Variants in RARB observed in about 807,000 individuals in gnomAD.
RARB encodes the protein retinoic acid receptor beta, also known as HBV-activated protein.
Under a neutral mutation model 51.9 loss-of-function variants are expected in RARB, and 17 were observed. The observed-to-expected ratio is 0.33, with a 90% CI of 0.22 to 0.49. RARB has a LOEUF of 0.49. Ranked by LOEUF, RARB falls within the 20% of genes least tolerant of loss-of-function variation. The probability of loss-of-function intolerance (pLI) is 0.99; values close to 1 mark genes in which losing one functional copy is unlikely to be tolerated. For synonymous variants in RARB, 215 were observed against 195.4 expected, an observed-to-expected ratio of 1.10 and a Z score of -0.84; for missense variants, 369 against 550.8, an observed-to-expected ratio of 0.67 and a Z score of 3.30.
intron 2 of RARB, among the ~76,000 whole-genome samples, chr3:25,026,718 G>A (rs368792868): frequency 3.7e-4 from 56 of 152,236 alleles, no homozygotes; most frequent in African/African-American, 1.1e-3. Flanking sequence ...AAATTTTTAC[G>A]TGTATCTCTA....
intron 4 of RARB, among the ~76,000 whole-genome samples, chr3:25,574,090 T>C (rs527287005): frequency 1.3e-5 from 2 of 152,284 alleles, no homozygotes; most frequent in East Asian, 3.9e-4. Flanking sequence ...AGAGAAGCTA[T>C]TTATAGATGA....
chr3:25,163,253 C>T (rs533950286), intron 4 of RARB, among the ~76,000 whole-genome samples: 8 of 152,178 alleles, frequency 5.3e-5, no homozygotes, highest in East Asian at 1.9e-4. Flanking sequence ...CCTATGATCC[C>T]GGCACTTCAG....
intron 5 of RARB, among the ~76,000 whole-genome samples, chr3:25,242,903 T>A (rs1702467361): frequency 6.6e-6 from 1 of 152,226 alleles, no homozygotes; most frequent in South Asian, 2.1e-4. Context: ...TTGGGCAGTA[T>A]GGCCATTTTC....
intron 4 of RARB, among the ~76,000 whole-genome samples, chr3:25,160,973 C>G (rs1365904786): frequency 6.6e-6 from 1 of 152,096 alleles, no homozygotes; most frequent in Non-Finnish European, 1.5e-5. Context: ...TGTAATTACA[C>G]TGGGCTACCA....
chr3:25,189,615 G>A (rs547365282), intron 5 of RARB, among the ~76,000 whole-genome samples: 16 of 152,214 alleles, frequency 1.1e-4, no homozygotes, highest in Admixed American at 9.2e-4. Flanking sequence ...GGGCTGGCAT[G>A]GTGGCTCATA....
intron 2 of RARB, among the ~76,000 whole-genome samples, chr3:25,009,822 A>G (rs1020438780): frequency 6.6e-6 from 1 of 152,046 alleles, no homozygotes; most frequent in Non-Finnish European, 1.5e-5. Context: ...GTCAGAGTGG[A>G]ATGACTGCAG....
chr3:25,002,924 T>A (rs931923790), intron 2 of RARB, among the ~76,000 whole-genome samples: 1 of 152,164 alleles, frequency 6.6e-6, no homozygotes, highest in Non-Finnish European at 1.5e-5. Context: ...GCCAATTTTA[T>A]ATGAATATTT....
intron 5 of RARB, among the ~76,000 whole-genome samples, chr3:25,406,079 T>A (rs1707399773): frequency 6.6e-6 from 1 of 152,232 alleles, no homozygotes; most frequent in Admixed American, 6.5e-5. Flanking sequence ...CTTATTACTT[T>A]CTTTTTCCTG....
intron 2 of RARB, among the ~76,000 whole-genome samples, chr3:24,907,810 T>C (rs1028880705): frequency 1.3e-5 from 2 of 152,132 alleles, no homozygotes; most frequent in Admixed American, 6.5e-5. Context: ...CATTTCTCCA[T>C]ACCTTTAAAT....
chr3:24,867,269 A>G (rs1702868183), intron 2 of RARB, among the ~76,000 whole-genome samples: 1 of 152,138 alleles, frequency 6.6e-6, no homozygotes, highest in South Asian at 2.1e-4. Flanking sequence ...ATCATTTAAA[A>G]CTATAAACTA....
chr3:25,308,448 C>CA (rs1704205323), intron 5 of RARB, among the ~76,000 whole-genome samples: 1 of 130,750 alleles, frequency 7.6e-6, no homozygotes. Context: ...TTCTTTCTTT[C>CA]TTTTTTTTTT....
chr3:25,017,589 T>C (rs1263316936), intron 2 of RARB, among the ~76,000 whole-genome samples: 2 of 152,146 alleles, frequency 1.3e-5, no homozygotes, highest in African/African-American at 4.8e-5. Flanking sequence ...CCTTTGTGTT[T>C]AATGAATATC....
At chr3:25,002,765 T>C (rs1372487362) in intron 2 of RARB, among the ~76,000 whole-genome samples, 2 of 151,996 alleles carry the variant, frequency 1.3e-5, no homozygotes. Flanking sequence ...TGTGTGTATA[T>C]ATATATATAT....
intron 5 of RARB, among the ~76,000 whole-genome samples, chr3:25,246,857 A>AGAT (rs1164235509): frequency 6.6e-6 from 1 of 152,158 alleles, no homozygotes; most frequent in East Asian, 1.9e-4. Context: ...CTGTGCTGGG[A>AGAT]GATCCACTGC....
intron 2 of RARB, among the ~76,000 whole-genome samples, chr3:25,044,718 GTTAAT>G (rs992685865): frequency 6.4e-4 from 97 of 152,280 alleles, no homozygotes; most frequent in African/African-American, 2.2e-3. Flanking sequence ...GGAATGAATA[GTTAAT>G]TTAAGTAAGT....
At chr3:24,956,168 C>T (rs1390654631) in intron 2 of RARB, among the ~76,000 whole-genome samples, 1 of 152,088 alleles carries the variant, frequency 6.6e-6, no homozygotes, top group Non-Finnish European at 1.5e-5. Flanking sequence ...TACTGAAGTA[C>T]TACATTTTGG....
In RARB at chr3:25,251,224, ATAT is replaced by A. The variant is rs1170193410; in HGVS notation, c.178+76653_178+76655del. ...TTACTACTTCATTCATTTTATTATA[ATAT>A]TATATTTTATAGATATAGAATGTTA... is the stretch of plus-strand genomic sequence containing the variant. On this transcript the variant is annotated intron_variant, in intron 5 of 11. Coordinates refer to the RARB transcript ENST00000383772. Among the ~76,000 whole-genome samples the A allele has an allele frequency of 1.1e-4, 16 of 151,912 alleles. 1 individual carries two copies. Among genetic ancestry groups the A allele is most frequent in the East Asian group, 5.8e-4 (3 of 5,184 alleles).
intron 5 of RARB, among the ~76,000 whole-genome samples, chr3:25,239,901 A>G (rs2125395306): frequency 6.6e-6 from 1 of 152,236 alleles, no homozygotes; most frequent in Admixed American, 6.5e-5. Context: ...TTTTAATGAT[A>G]TTAATTCTTC....
chr3:25,098,240 T>C (rs534804061), intron 3 of RARB, among the ~76,000 whole-genome samples: 8 of 151,882 alleles, frequency 5.3e-5, no homozygotes, highest in Non-Finnish European at 1.0e-4. Flanking sequence ...GAAAGGAGAG[T>C]TGATATTCTA....
Sources: gnomAD v4.1 joint callset for allele counts (sites outside exome capture counted in the v4.1 genomes callset) on GRCh38, gnomAD v4.1.1 for gene constraint, MANE v1.5 for transcripts, NCBI Gene and HGNC (gene_info 2026-07-23, HGNC 2026-07-21) for gene names.